The following APBA1 variants were observed in gnomAD, a reference collection of about 807,000 sequenced individuals.
APBA1 encodes amyloid beta precursor protein binding family A member 1.
In APBA1, 55 loss-of-function variants were observed where a neutral mutation model predicts 86.6. The observed-to-expected ratio is 0.64, with a 90% CI of 0.51 to 0.80. The LOEUF is 0.80. Among genes scored for constraint, APBA1 ranks in the 30% least tolerant of loss-of-function variants. The pLI, the probability that APBA1 is intolerant of heterozygous loss-of-function variation, is 0.00. For missense variants in APBA1, 1,090 were observed against 1,183.0 expected, an observed-to-expected ratio of 0.92 and a Z score of 1.15; for synonymous variants, 511 against 493.9, an observed-to-expected ratio of 1.03 and a Z score of -0.46.
chr9:69,452,563 A>T (rs1003930779), intron 8 of APBA1, among the ~76,000 whole-genome samples: 1 of 152,246 alleles, frequency 6.6e-6, no homozygotes, highest in African/African-American at 2.4e-5. Flanking sequence ...GATGCTGAAT[A>T]TCCTGCCATG....
chr9:69,495,501 C>T (rs1391848345), intron 2 of APBA1, among the ~76,000 whole-genome samples: 1 of 151,980 alleles, frequency 6.6e-6, no homozygotes, highest in Admixed American at 6.5e-5. Context: ...ATACCCGAGT[C>T]AATCATGCAA....
chr9:69,652,289 C>T (rs1823519865), intron 1 of APBA1, among the ~76,000 whole-genome samples: 1 of 152,164 alleles, frequency 6.6e-6, no homozygotes, highest in Non-Finnish European at 1.5e-5. Flanking sequence ...GACACAGGCC[C>T]TCTGGTTTTT....
At chr9:69,544,860 C>T (rs1343804792) in intron 1 of APBA1, among the ~76,000 whole-genome samples, 2 of 152,204 alleles carry the variant, frequency 1.3e-5, no homozygotes, top group African/African-American at 4.8e-5. Flanking sequence ...CACCCCCCTG[C>T]ACCCACCATT....
At chr9:69,618,399 G>C (rs748794954) in intron 1 of APBA1, among the ~76,000 whole-genome samples, 6 of 152,176 alleles carry the variant, frequency 3.9e-5, no homozygotes, top group Non-Finnish European at 8.8e-5. Flanking sequence ...CTAGATGCTG[G>C]AATGATTAAA....
chr9:69,566,446 T>C (rs1452401932), intron 1 of APBA1, among the ~76,000 whole-genome samples: 3 of 152,236 alleles, frequency 2.0e-5, no homozygotes, highest in African/African-American at 7.2e-5. Context: ...GTATCTGGCA[T>C]GGGGCCTAGT....
At chr9:69,495,739 G>A (rs1458639296) in intron 2 of APBA1, among the ~76,000 whole-genome samples, 1 of 152,046 alleles carries the variant, frequency 6.6e-6, no homozygotes, top group African/African-American at 2.4e-5. Flanking sequence ...ACTCTGCTAC[G>A]TTTATAGAAC....
At chr9:69,656,600 G>A (rs929683798) in intron 1 of APBA1, among the ~76,000 whole-genome samples, 1 of 152,188 alleles carries the variant, frequency 6.6e-6, no homozygotes, top group African/African-American at 2.4e-5. Flanking sequence ...ATATGAGGGA[G>A]CCTCCCAGGG....
chr9:69,476,519 C>T (rs1021975817), intron 2 of APBA1, among the ~76,000 whole-genome samples: 8 of 151,936 alleles, frequency 5.3e-5, no homozygotes, highest in Non-Finnish European at 1.0e-4. Flanking sequence ...TTTAGGGTAC[C>T]GAATGTCTTA....
intron 7 of APBA1, 60 bp from the exon 8 acceptor site, chr9:69,456,492 G>A (rs1341287883): frequency 8.7e-6 from 13 of 1,488,680 alleles, no homozygotes; most frequent in East Asian, 2.3e-5. Flanking sequence ...CTAAGAAAGC[G>A]CCTGCCACCT....
At position 69,430,814 on chromosome 9, in the gene APBA1, T is replaced by C. The variant is rs920478022; in HGVS notation, c.*513A>G. On this transcript the variant is annotated 3_prime_UTR_variant, in exon 13 of 13. Coordinates refer to ENST00000265381, the MANE Select transcript of APBA1 (RefSeq NM_001163.4). ...GCTCAGAGATTCTGGGAAGAAATAA[T>C]GTATGGTGCCCCAACTACATGGCAG... 1 of 153,118 alleles carries C rather than the reference T, an allele frequency of 6.5e-6. No individual in the cohort carries two copies. Among genetic ancestry groups the C allele is most frequent in the African/African-American group, 2.4e-5 (1 of 41,478 alleles). 9.5% of individuals were successfully genotyped at this position (153,118 alleles called of 1,614,324 possible).
At chr9:69,645,747 G>A (rs983119064) in intron 1 of APBA1, among the ~76,000 whole-genome samples, 1 of 152,230 alleles carries the variant, frequency 6.6e-6, no homozygotes, top group African/African-American at 2.4e-5. Context: ...CAGCAGCTGC[G>A]ATTAAGGTCC....
intron 1 of APBA1, among the ~76,000 whole-genome samples, chr9:69,654,232 A>C (rs1823563927): frequency 2.0e-5 from 3 of 152,152 alleles, no homozygotes; most frequent in African/African-American, 7.2e-5. Context: ...AACTAAACCC[A>C]AAATTAGTAC....
At chr9:69,590,595 T>C (rs994250908) in intron 1 of APBA1, among the ~76,000 whole-genome samples, 1 of 152,158 alleles carries the variant, frequency 6.6e-6, no homozygotes, top group Admixed American at 6.6e-5. Flanking sequence ...TTAATCACAA[T>C]TCTCCAATCT....
intron 1 of APBA1, among the ~76,000 whole-genome samples, chr9:69,555,541 G>A (rs1044750260): frequency 1.3e-5 from 2 of 152,068 alleles, no homozygotes; most frequent in African/African-American, 4.8e-5. Flanking sequence ...ATAGAAAAGG[G>A]TGCAGAGAAC....
At chr9:69,441,305 C>A (rs149358006) in intron 10 of APBA1, among the ~76,000 whole-genome samples, 190 bp from the exon 11 acceptor site, 1 of 152,218 alleles carries the variant, frequency 6.6e-6, no homozygotes, top group Non-Finnish European at 1.5e-5. Flanking sequence ...AGGGCTAAGA[C>A]GCCACATGTT....
At chr9:69,440,032 G>A (rs1161895525) in intron 11 of APBA1, among the ~76,000 whole-genome samples, 2 of 152,184 alleles carry the variant, frequency 1.3e-5, no homozygotes, top group Non-Finnish European at 2.9e-5. Context: ...GTCTGTTGGA[G>A]TTTACTGGAG....
intron 1 of APBA1, among the ~76,000 whole-genome samples, chr9:69,618,360 T>C (rs576832085): frequency 6.6e-6 from 1 of 152,308 alleles, no homozygotes; most frequent in African/African-American, 2.4e-5. Context: ...ACATTTAGTG[T>C]GTTTGCGCGA....
At position 69,526,888 on chromosome 9, in the gene APBA1, T is replaced by C. The variant is rs190319993; in HGVS notation, c.-69-9609A>G. Among the ~76,000 whole-genome samples the C allele has an allele frequency of 5.3e-5, 8 of 152,226 alleles. No individual in the cohort carries two copies. The East Asian group carries it at 1.2e-3, about 22-fold the overall frequency. On this transcript the variant is annotated intron_variant, in intron 1 of 12. Coordinates refer to ENST00000265381, the MANE Select transcript of APBA1 (RefSeq NM_001163.4). ...ATATACACCATACACCATGGAATAC[T>C]ATGCAGCCATGAAAAAGAGTGAAAT...
intron 1 of APBA1, among the ~76,000 whole-genome samples, chr9:69,658,062 C>G (rs1370134992): frequency 6.6e-6 from 1 of 152,206 alleles, no homozygotes; most frequent in African/African-American, 2.4e-5. Flanking sequence ...CCCCAGCCCT[C>G]TGCTCCACAC....
Sources: gnomAD v4.1 joint callset for allele counts (sites outside exome capture counted in the v4.1 genomes callset) on GRCh38, gnomAD v4.1.1 for gene constraint, MANE v1.5 for transcripts, NCBI Gene and HGNC (gene_info 2026-07-23, HGNC 2026-07-21) for gene names.